Variants in EIF4ENIF1 observed in about 807,000 individuals in gnomAD.
EIF4ENIF1 encodes the protein eukaryotic translation initiation factor 4E transporter.
A neutral mutation model predicts 110.5 loss-of-function variants in EIF4ENIF1; 23 were observed. The observed-to-expected ratio is 0.21, with a 90% CI of 0.15 to 0.29. EIF4ENIF1 has a LOEUF of 0.29. EIF4ENIF1 is among the 10% of genes least tolerant of loss of function. The probability of loss-of-function intolerance (pLI) is 1.00; values close to 1 mark genes in which losing one functional copy is unlikely to be tolerated. For missense variants in EIF4ENIF1, 1,031 were observed against 1,221.1 expected (o/e 0.84, Z 2.32); for synonymous variants, 440 against 437.0 (o/e 1.01, Z -0.09).
At chr22:31,468,449 C>T (rs2051262535) in intron 3 of EIF4ENIF1, 147 bp from the exon 4 acceptor site, 1 of 1,142,950 alleles carries the variant, frequency 8.7e-7, no homozygotes, top group Non-Finnish European at 1.2e-6. Flanking sequence ...GGATGGAGCG[C>T]AGTGGCGTGA....
intron 17 of EIF4ENIF1, among the ~76,000 whole-genome samples, chr22:31,441,408 C>T (rs547205599): frequency 2.2e-4 from 33 of 151,452 alleles, no homozygotes; most frequent in African/African-American, 7.0e-4. Context: ...GGTGTGGCGG[C>T]GTGCACCTGT....
chr22:31,441,551 A>G (rs930245048), intron 17 of EIF4ENIF1, among the ~76,000 whole-genome samples: 189 of 93,724 alleles, frequency 2.0e-3, no homozygotes, highest in African/African-American at 7.8e-3. Context: ...TACAAAAAGG[A>G]AAAAAAAAAA....
In EIF4ENIF1 at chr22:31,468,178, C is replaced by A. The variant is rs2051252827; in HGVS notation, c.295G>T (p.Val99Leu). 1 of 1,613,876 alleles carries A rather than the reference C, an allele frequency of 6.2e-7. No homozygotes were observed. The highest frequency in any genetic ancestry group is 8.5e-7 in the Non-Finnish European group (1 of 1,179,870). The change falls in exon 4 of 19, where the codon GTA becomes TTA. Residue 99 changes from valine to leucine, a missense_variant. Around this residue, in one of 3 missense-constraint regions of EIF4ENIF1, gnomAD observed 704 missense variants for 879.7 expected, o/e 0.80. Transcript: ENST00000330125. ...TDRPSLVRRIVDPRERVKEDD... is the reference protein window; with the variant it reads ...TDRPSLVRRILDPRERVKEDD... ...TTCTGAGTGACTGTGTGCTCACCTA[C>A]TATCCTGCGCACCAGGGAAGGCCGG... is the stretch of plus-strand genomic sequence containing the variant.
intron 7 of EIF4ENIF1, among the ~76,000 whole-genome samples, chr22:31,456,703 A>G (rs1341656020): frequency 6.6e-6 from 1 of 151,694 alleles, no homozygotes; most frequent in African/African-American, 2.4e-5. Context: ...TATTTTTAGT[A>G]GAGATGGGTT....
chr22:31,475,721 T>TAAAA (rs11089509), intron 2 of EIF4ENIF1, among the ~76,000 whole-genome samples: 1 of 133,864 alleles, frequency 7.5e-6, no homozygotes. Flanking sequence ...AGACTCCGTT[T>TAAAA]AAAAAAAAAA....
chr22:31,487,559 G>A (rs1424635547), intron 2 of EIF4ENIF1, among the ~76,000 whole-genome samples: 1 of 152,144 alleles, frequency 6.6e-6, no homozygotes, highest in East Asian at 1.9e-4. Context: ...CACTTTGGGA[G>A]GCCAAGGTGG....
intron 10 of EIF4ENIF1, 183 bp from the exon 11 acceptor site, chr22:31,450,543 T>A: frequency 2.1e-6 from 1 of 485,788 alleles, no homozygotes; most frequent in Non-Finnish European, 3.8e-6. Context: ...GATCTGGGGA[T>A]GGAAAGACCG....
intron 2 of EIF4ENIF1, among the ~76,000 whole-genome samples, chr22:31,477,384 C>A (rs4820049): frequency 0.071 from 3,834 of 53,736 alleles, 97 homozygotes; most frequent in South Asian, 0.09. Context: ...ACAAAAAAAA[C>A]AAAAAAAGAG....
rs1285891245 is a variant in EIF4ENIF1, at chr22:31,444,767, C to G, written c.1989-77G>C. Reference sequence around the variant, plus strand: ...CTTAAAACCATATAATACTCAAGACCAGCCTAGAAGTTTTAACATCCCCTT... The same window carrying G: ...CTTAAAACCATATAATACTCAAGACGAGCCTAGAAGTTTTAACATCCCCTT... On this transcript the variant is annotated intron_variant, in intron 14 of 18. Coordinates refer to ENST00000330125, the MANE Select transcript of EIF4ENIF1 (RefSeq NM_019843.4). 3.5e-5 allele frequency: 49 copies of G among 1,411,126 alleles called. 1 individual carries two copies. Among genetic ancestry groups the G allele is most frequent in the South Asian group, 2.7e-4 (23 of 86,670 alleles). 87.4% of individuals were successfully genotyped at this position (1,411,126 alleles called of 1,614,324 possible).
chr22:31,441,679 G>T, intron 17 of EIF4ENIF1, 95 bp downstream of exon 17: 1 of 1,091,040 alleles, frequency 9.2e-7, no homozygotes, highest in Non-Finnish European at 1.3e-6. Flanking sequence ...TCTTTCTAGG[G>T]ATGGAAATCT....
intron 4 of EIF4ENIF1, 98 bp downstream of exon 4, chr22:31,468,077 C>T: frequency 1.3e-6 from 2 of 1,507,114 alleles, no homozygotes; most frequent in Non-Finnish European, 1.8e-6. Flanking sequence ...TGACATTTCC[C>T]CTCAAAGCAT....
At chr22:31,446,834 T>C (rs1351520213) in intron 14 of EIF4ENIF1, 2 of 290,762 alleles carry the variant, frequency 6.9e-6, no homozygotes, top group Non-Finnish European at 1.4e-5. Flanking sequence ...CTTTCCCTTT[T>C]CTCCCTAACT....
rs146587295 is a variant in EIF4ENIF1 at position 31,488,885 on chromosome 22, A to G, written c.-27-140T>C. 639 of 895,830 alleles carry G rather than the reference A, an allele frequency of 7.1e-4. 1 individual carries two copies. The highest frequency in any genetic ancestry group is 9.8e-4 in the Non-Finnish European group (598 of 607,932). 55.5% of individuals were successfully genotyped at this position (895,830 alleles called of 1,614,324 possible). On this transcript the variant is annotated intron_variant, in intron 1 of 18. Coordinates refer to ENST00000330125, the MANE Select transcript of EIF4ENIF1 (RefSeq NM_019843.4). ...CAAGTCCCCACCCCAAAATTATGCTATAAATTAGAACTTGGAGATAGAATC... is the reference window on the plus strand; with the variant it reads ...CAAGTCCCCACCCCAAAATTATGCTGTAAATTAGAACTTGGAGATAGAATC...
chr22:31,439,930 A>C lies in EIF4ENIF1; in HGVS notation c.2908T>G (p.Ser970Ala). Reference protein sequence around the residue: ...GSDVLQQPLPSMPAKVISVDE... With the variant: ...GSDVLQQPLPAMPAKVISVDE... ...ACACTGATAACTTTGGCGGGCATGGAGGGCAGGGGTTGCTGTAGCACATCT... is the reference window on the plus strand; with the variant it reads ...ACACTGATAACTTTGGCGGGCATGGCGGGCAGGGGTTGCTGTAGCACATCT... The change falls in exon 19 of 19, where the codon TCC becomes GCC. Residue 970 changes from serine to alanine, a missense_variant. Physicochemically the swap from Ser to Ala is moderately conservative, Grantham distance 99. This residue lies in a region of EIF4ENIF1 where 18 missense variants were observed against 42.3 expected (regional missense o/e 0.43). Coordinates refer to ENST00000330125, the MANE Select transcript of EIF4ENIF1 (RefSeq NM_019843.4). 6.2e-7 allele frequency: 1 copy of C among 1,614,060 alleles called. No individual in the cohort carries two copies. Among genetic ancestry groups the C allele is most frequent in the Non-Finnish European group, 8.5e-7 (1 of 1,179,994 alleles).
chr22:31,478,949 C>CAAA (rs377466384), intron 2 of EIF4ENIF1, among the ~76,000 whole-genome samples: 4 of 89,228 alleles, frequency 4.5e-5, no homozygotes, highest in African/African-American at 4.6e-5. Context: ...GAGACTGTTT[C>CAAA]AAAAAAAAAA....
chr22:31,486,203 G>A (rs1379811789), intron 2 of EIF4ENIF1, among the ~76,000 whole-genome samples: 1 of 151,950 alleles, frequency 6.6e-6, no homozygotes, highest in Non-Finnish European at 1.5e-5. Context: ...CCCGGAGGCG[G>A]AGACTGCAGT....
At chr22:31,459,845 C>T (rs191748844) in intron 6 of EIF4ENIF1, among the ~76,000 whole-genome samples, 12 of 152,266 alleles carry the variant, frequency 7.9e-5, no homozygotes, top group African/African-American at 2.6e-4. Context: ...GATTCTACTC[C>T]AGGCTCTGCC....
chr22:31,474,688 CATATACACACATAT>C (rs1020540020), intron 2 of EIF4ENIF1, among the ~76,000 whole-genome samples: 41 of 152,094 alleles, frequency 2.7e-4, no homozygotes, highest in African/African-American at 3.9e-4. Context: ...TACACACTTA[CATATACACACATAT>C]ATATACACAC....
Position 31,447,416 on chromosome 22 carries a change from A to G in EIF4ENIF1, c.1988+10T>C. 1.2e-6 allele frequency: 2 copies of G among 1,608,466 alleles called. No individual in the cohort carries two copies. The highest frequency in any genetic ancestry group is 1.7e-6 in the Non-Finnish European group (2 of 1,178,950). On this transcript the variant is annotated intron_variant, in intron 14 of 18. Coordinates refer to ENST00000330125, the MANE Select transcript of EIF4ENIF1 (RefSeq NM_019843.4). ...CGTAAATCTCCACATGAGCAGGATT[A>G]GTAATTTACCTGTTTCTGAATCCAT...
Sources: gnomAD v4.1 joint callset for allele counts (sites outside exome capture counted in the v4.1 genomes callset) on GRCh38, gnomAD v4.1.1 for gene constraint, gnomAD v4.1.1 regional missense constraint, MANE v1.5 for transcripts, NCBI Gene and HGNC (gene_info 2026-07-23, HGNC 2026-07-21) for gene names.